The following ATE1 variants were observed in gnomAD, a reference collection of about 807,000 sequenced individuals.
ATE1 encodes arginyltransferase 1.
A neutral mutation model predicts 70.5 loss-of-function variants in ATE1; 36 were observed. The ratio of observed to expected loss-of-function variants is 0.51; its 90% CI spans 0.39 to 0.67. The LOEUF is 0.67. Among genes scored for constraint, ATE1 ranks in the 30% least tolerant of loss-of-function variants. The probability of loss-of-function intolerance (pLI) is 0.00; values close to 1 mark genes in which losing one functional copy is unlikely to be tolerated. For missense variants in ATE1, 593 were observed against 629.5 expected (o/e 0.94, Z 0.62); for synonymous variants, 232 against 219.3 (o/e 1.06, Z -0.51).
At chr10:121,849,616 G>C (rs895015532) in intron 8 of ATE1, among the ~76,000 whole-genome samples, 1 of 152,188 alleles carries the variant, frequency 6.6e-6, no homozygotes. Context: ...CTTCACAGAT[G>C]ATCCAAGAAA....
intron 7 of ATE1, among the ~76,000 whole-genome samples, chr10:121,888,721 A>C (rs745708700): frequency 1.3e-5 from 2 of 152,234 alleles, no homozygotes; most frequent in Non-Finnish European, 2.9e-5. Context: ...GCCTCATACC[A>C]GGAACTACTA....
At chr10:121,791,100 T>A (rs573931208) in intron 10 of ATE1, among the ~76,000 whole-genome samples, 16,228 of 111,060 alleles carry the variant, frequency 0.15, 1,176 homozygotes, top group Non-Finnish European at 0.2. Context: ...ATATATATTT[T>A]TTTTTTTTTT....
chr10:121,927,099 G>A (rs1430498387), intron 1 of ATE1: 3 of 985,250 alleles, frequency 3.0e-6, no homozygotes, highest in Admixed American at 1.2e-4. Flanking sequence ...ATTGGCAAAT[G>A]CATGGCAAGA....
At chr10:121,757,171 G>A (rs1411679115) in intron 11 of ATE1, among the ~76,000 whole-genome samples, 9 of 152,130 alleles carry the variant, frequency 5.9e-5, no homozygotes, top group Non-Finnish European at 7.4e-5. Flanking sequence ...AATTCCGCCA[G>A]TCTCCTTGCT....
intron 10 of ATE1, among the ~76,000 whole-genome samples, chr10:121,791,176 A>G (rs867397013): frequency 6.6e-6 from 1 of 150,542 alleles, no homozygotes; most frequent in Non-Finnish European, 1.5e-5. Flanking sequence ...TCACTGCAAC[A>G]TCTGCTTCCT....
intron 11 of ATE1, among the ~76,000 whole-genome samples, chr10:121,771,474 G>A (rs890779185): frequency 2.6e-5 from 4 of 152,106 alleles, no homozygotes; most frequent in Non-Finnish European, 4.4e-5. Context: ...ACTTATCTAG[G>A]AAGAAAGGCT....
chr10:121,747,338 CT>C (rs1944410221), intron 11 of ATE1, among the ~76,000 whole-genome samples: 1 of 152,222 alleles, frequency 6.6e-6, no homozygotes, highest in South Asian at 2.1e-4. Flanking sequence ...CTGTTCTGCT[CT>C]GTATTGCAGG....
intron 8 of ATE1, among the ~76,000 whole-genome samples, chr10:121,868,429 T>C (rs1470326939): frequency 6.6e-6 from 1 of 152,230 alleles, no homozygotes; most frequent in Non-Finnish European, 1.5e-5. Flanking sequence ...ACTCTTTGTT[T>C]TTTGATACTT....
At chr10:121,923,831 A>C (rs1336939818) in intron 2 of ATE1, among the ~76,000 whole-genome samples, 1 of 152,236 alleles carries the variant, frequency 6.6e-6, no homozygotes, top group Non-Finnish European at 1.5e-5. Flanking sequence ...ACATCAAAGA[A>C]TTTTTATTAA....
intron 10 of ATE1, among the ~76,000 whole-genome samples, chr10:121,793,451 C>T (rs2132911): frequency 0.33 from 50,059 of 152,020 alleles, 9,913 homozygotes; most frequent in South Asian, 0.48. Context: ...TGACTTTCCA[C>T]AGAAGTTGTG....
intron 11 of ATE1, among the ~76,000 whole-genome samples, chr10:121,785,614 A>G (rs1026810286): frequency 6.6e-6 from 1 of 152,202 alleles, no homozygotes; most frequent in African/African-American, 2.4e-5. Context: ...GAAAAGAAAG[A>G]GGCCTTTAAA....
At position 121,801,750 on chromosome 10, in the gene ATE1, C is replaced by A. The variant is rs151195638; in HGVS notation, c.1258-11461G>T. On this transcript the variant is annotated intron_variant, in intron 10 of 11. Transcript: ENST00000224652. ...CTTAGAATCACTGGTTCTGCCATTA[C>A]CCTAGCTGAGGCCACCCTCACCTAG... Among the ~76,000 whole-genome samples the A allele has an allele frequency of 2.0e-3, 311 of 152,144 alleles. 1 individual carries two copies. Among genetic ancestry groups the A allele is most frequent in the African/African-American group, 7.3e-3 (302 of 41,520 alleles).
chr10:121,822,375 G>A (rs1426350700), intron 10 of ATE1, among the ~76,000 whole-genome samples: 1 of 152,160 alleles, frequency 6.6e-6, no homozygotes, highest in African/African-American at 2.4e-5. Flanking sequence ...TGGTTACCTT[G>A]GGGGATGGGA....
chr10:121,750,589 C>G (rs1032115568), intron 11 of ATE1, among the ~76,000 whole-genome samples: 5 of 151,876 alleles, frequency 3.3e-5, no homozygotes, highest in Admixed American at 2.6e-4. Context: ...CAGGTGCTTT[C>G]AAAGGACAAG....
At chr10:121,865,237 C>T (rs775809383) in intron 8 of ATE1, among the ~76,000 whole-genome samples, 2 of 152,128 alleles carry the variant, frequency 1.3e-5, no homozygotes, top group Non-Finnish European at 2.9e-5. Context: ...AAGCACAGTA[C>T]CTGTACACCA....
At chr10:121,812,335 TATC>T (rs1413898431) in intron 10 of ATE1, among the ~76,000 whole-genome samples, 1 of 151,934 alleles carries the variant, frequency 6.6e-6, no homozygotes, top group Non-Finnish European at 1.5e-5. Context: ...ACAGGAAAAA[TATC>T]ATCTTTCCTG....
chr10:121,760,001 A>G (rs916195733), intron 11 of ATE1, among the ~76,000 whole-genome samples: 3 of 152,192 alleles, frequency 2.0e-5, no homozygotes, highest in Admixed American at 2.0e-4. Context: ...ATGGAACAAC[A>G]AAGCCTAGAT....
intron 11 of ATE1, among the ~76,000 whole-genome samples, chr10:121,783,000 TC>T (rs1385565914): frequency 6.6e-6 from 1 of 152,114 alleles, no homozygotes; most frequent in Non-Finnish European, 1.5e-5. Context: ...CTTAATAAAC[TC>T]CCCGTTATAT....
chr10:121,802,563 T>A (rs542137408), intron 10 of ATE1, among the ~76,000 whole-genome samples: 86 of 152,096 alleles, frequency 5.7e-4, no homozygotes, highest in African/African-American at 2.0e-3. Context: ...CTGGCCTCAG[T>A]CTCCCAAAGT....
Sources: gnomAD v4.1 joint callset for allele counts (sites outside exome capture counted in the v4.1 genomes callset) on GRCh38, gnomAD v4.1.1 for gene constraint, MANE v1.5 for transcripts, NCBI Gene and HGNC (gene_info 2026-07-23, HGNC 2026-07-21) for gene names.